Variants in HDAC9 observed in about 807,000 individuals in gnomAD.
HDAC9 encodes the protein MEF-2 interacting transcription repressor (MITR) protein.
Under a neutral mutation model 139.4 loss-of-function variants are expected in HDAC9, and 41 were observed. The ratio of observed to expected loss-of-function variants is 0.29; its 90% CI spans 0.23 to 0.38. The LOEUF (loss-of-function observed/expected upper bound fraction) is 0.38. HDAC9 is among the 10% of genes least tolerant of loss of function. The pLI is 1.00. For missense variants in HDAC9, 1,147 were observed against 1,297.0 expected, an observed-to-expected ratio of 0.88 and a Z score of 1.78; for synonymous variants, 517 against 476.2, an observed-to-expected ratio of 1.09 and a Z score of -1.12.
At chr7:18,985,167 C>T (rs1335823947) in intron 25 of HDAC9, among the ~76,000 whole-genome samples, 1 of 152,080 alleles carries the variant, frequency 6.6e-6, no homozygotes, top group East Asian at 1.9e-4. Flanking sequence ...TGGTGCGCTG[C>T]ACCCACTAAT....
At chr7:18,149,213 C>T (rs1786567364) in intron 1 of HDAC9, among the ~76,000 whole-genome samples, 1 of 151,924 alleles carries the variant, frequency 6.6e-6, no homozygotes, top group South Asian at 2.1e-4. Context: ...TTGCCTGCTT[C>T]TGTCCTTTTC....
chr7:18,967,616 A>G (rs1178958167), intron 24 of HDAC9, among the ~76,000 whole-genome samples: 2 of 152,078 alleles, frequency 1.3e-5, no homozygotes, highest in African/African-American at 4.8e-5. Context: ...ACAAATCTAA[A>G]GTTCGGTGGA....
intron 22 of HDAC9, chr7:18,892,735 G>A (rs1454323901): frequency 6.6e-6 from 1 of 152,086 alleles, no homozygotes; most frequent in Admixed American, 6.6e-5. Context: ...AATACAAAGT[G>A]GGAAAAGGAG....
At chr7:18,110,976 A>G (rs1783576977) in intron 1 of HDAC9, among the ~76,000 whole-genome samples, 1 of 152,130 alleles carries the variant, frequency 6.6e-6, no homozygotes, top group Admixed American at 6.6e-5. Flanking sequence ...ATTTTAAGGG[A>G]CATTTGCTGA....
chr7:18,491,523 GA>G (rs1401993467), upstream of HDAC9, among the ~76,000 whole-genome samples: 1 of 151,866 alleles, frequency 6.6e-6, no homozygotes, highest in Non-Finnish European at 1.5e-5. Flanking sequence ...TGGCAAGATG[GA>G]TCAAAAAATT....
intron 2 of HDAC9, among the ~76,000 whole-genome samples, chr7:18,584,755 T>C (rs1828931547): frequency 6.6e-6 from 1 of 152,244 alleles, no homozygotes; most frequent in Non-Finnish European, 1.5e-5. Flanking sequence ...AGCATGCAGT[T>C]GTCTATTCTG....
chr7:18,178,922 G>A (rs945041420), intron 2 of HDAC9, among the ~76,000 whole-genome samples: 1 of 152,084 alleles, frequency 6.6e-6, no homozygotes, highest in South Asian at 2.1e-4. Flanking sequence ...TTAATATAAT[G>A]GTTGAAGTCT....
At chr7:18,478,106 C>T (rs898585956) in intron 1 of HDAC9, among the ~76,000 whole-genome samples, 1 of 151,604 alleles carries the variant, frequency 6.6e-6, no homozygotes, top group Non-Finnish European at 1.5e-5. Context: ...GAGTCTTGCT[C>T]TGTCGCCCAG....
chr7:18,764,174 C>T lies in HDAC9; in HGVS notation c.2164+1897C>T, dbSNP rs370763980. On this transcript the variant is annotated intron_variant, in intron 15 of 25. Coordinates refer to ENST00000686413, the MANE Select transcript of HDAC9 (RefSeq NM_178425.4). ...TTTTAACTTGGACAAAGGTTCTTTT[C>T]ATGTATGTATGTGATGAAAGCAGCA... Among the ~76,000 whole-genome samples, 158 of 152,050 alleles carry T rather than the reference C, an allele frequency of 1.0e-3. 2 individuals are homozygous for T. The highest frequency in any genetic ancestry group is 3.5e-3 in the African/African-American group (145 of 41,482).
intron 12 of HDAC9, among the ~76,000 whole-genome samples, chr7:18,703,030 A>G (rs1783626201): frequency 6.6e-6 from 1 of 152,232 alleles, no homozygotes. Flanking sequence ...CAAATGCTAT[A>G]AGGAATCAAG....
chr7:18,953,998 A>G, intron 23 of HDAC9, 148 bp from the exon 24 acceptor site: 1 of 605,438 alleles, frequency 1.7e-6, no homozygotes, highest in Non-Finnish European at 2.9e-6. Flanking sequence ...AACTGGCTAC[A>G]CTTCTAGAAC....
chr7:18,335,680 A>G (rs117663930), intron 1 of HDAC9, among the ~76,000 whole-genome samples: 30 of 151,750 alleles, frequency 2.0e-4, no homozygotes, highest in Non-Finnish European at 3.5e-4. Flanking sequence ...GCTACTGTTT[A>G]TCCTTCTAAG....
Position 18,173,940 on chromosome 7 carries a change from A to C in HDAC9, c.25+11591A>C, listed in dbSNP as rs945256609. ...ATGTGTCTTGGGTTTGCTCTTCTCG[A>C]GGAGGAGTATCTTTGTGATGTTCTC... is the stretch of plus-strand genomic sequence containing the variant. On this transcript the variant is annotated intron_variant, in intron 2 of 12. Transcript: ENST00000417496. Among the ~76,000 whole-genome samples, 88 of 152,080 alleles carry C rather than the reference A, an allele frequency of 5.8e-4. 3 individuals carry two copies. The highest frequency in any genetic ancestry group is 3.7e-4 in the Non-Finnish European group (25 of 68,012).
At chr7:18,298,289 T>A (rs555217550) in intron 1 of HDAC9, among the ~76,000 whole-genome samples, 2 of 152,216 alleles carry the variant, frequency 1.3e-5, no homozygotes, top group Non-Finnish European at 2.9e-5. Flanking sequence ...TGTTTTTTTT[T>A]TTTTTTTTTA....
chr7:18,846,247 C>A (rs1035978529), intron 21 of HDAC9, among the ~76,000 whole-genome samples: 2 of 152,168 alleles, frequency 1.3e-5, no homozygotes, highest in African/African-American at 4.8e-5. Context: ...CAGAAGTTGG[C>A]TCTGGAAAGA....
chr7:18,293,338 A>G (rs1451562070), intron 1 of HDAC9, among the ~76,000 whole-genome samples: 2 of 151,848 alleles, frequency 1.3e-5, no homozygotes, highest in African/African-American at 4.8e-5. Context: ...TTTAAGTTTA[A>G]GGGTACATGT....
At chr7:18,251,790 C>T (rs1032098459) in intron 2 of HDAC9, among the ~76,000 whole-genome samples, 1 of 152,134 alleles carries the variant, frequency 6.6e-6, no homozygotes, top group Non-Finnish European at 1.5e-5. Flanking sequence ...TGAGTGATAA[C>T]AGGTGAATGA....
intron 22 of HDAC9, among the ~76,000 whole-genome samples, chr7:18,905,237 C>T (rs1456408396): frequency 1.3e-5 from 2 of 152,234 alleles, no homozygotes; most frequent in African/African-American, 4.8e-5. Flanking sequence ...GTCAGAATCC[C>T]TCTTGTTGCT....
intron 12 of HDAC9, among the ~76,000 whole-genome samples, chr7:18,692,888 C>T (rs1418460428): frequency 6.6e-6 from 1 of 151,900 alleles, no homozygotes; most frequent in Admixed American, 6.6e-5. Flanking sequence ...ACATTTCAGT[C>T]AGATGTTTGT....
Sources: gnomAD v4.1 joint callset for allele counts (sites outside exome capture counted in the v4.1 genomes callset) on GRCh38, gnomAD v4.1.1 for gene constraint, MANE v1.5 for transcripts, NCBI Gene and HGNC (gene_info 2026-07-23, HGNC 2026-07-21) for gene names.